MCC: variants seen among roughly 807,000 people sequenced by gnomAD.
MCC encodes colorectal mutant cancer protein.
Under a neutral mutation model 116.2 loss-of-function variants are expected in MCC, and 90 were observed. The observed-to-expected ratio is 0.77, with a 90% CI of 0.65 to 0.92. The LOEUF is 0.92. MCC is among the 40% of genes least tolerant of loss of function. The probability of loss-of-function intolerance (pLI) is 0.00; values close to 1 mark genes in which losing one functional copy is unlikely to be tolerated. For synonymous variants in MCC, 578 were observed against 510.5 expected, an observed-to-expected ratio of 1.13 and a Z score of -1.78; for missense variants, 1,516 against 1,312.2, an observed-to-expected ratio of 1.16 and a Z score of -2.40.
chr5:113,257,256 G>T (rs1344575977), intron 3 of MCC, among the ~76,000 whole-genome samples: 1 of 152,126 alleles, frequency 6.6e-6, no homozygotes, highest in Non-Finnish European at 1.5e-5. Context: ...CCAGAGTTCA[G>T]GCTGGTGACA....
chr5:113,249,538 G>T (rs1163043911), intron 3 of MCC, among the ~76,000 whole-genome samples: 1 of 152,120 alleles, frequency 6.6e-6, no homozygotes, highest in Non-Finnish European at 1.5e-5. Context: ...ATTCATTCCA[G>T]CCTCTGCTCA....
At chr5:113,371,796 TAA>T (rs879277421) in intron 2 of MCC, among the ~76,000 whole-genome samples, 85 of 152,328 alleles carry the variant, frequency 5.6e-4, no homozygotes, top group Admixed American at 2.6e-3. Context: ...TTACAAGAGA[TAA>T]AACAGGAAGC....
chr5:113,462,288 A>G (rs948286588), intron 1 of MCC, among the ~76,000 whole-genome samples: 4 of 152,088 alleles, frequency 2.6e-5, no homozygotes, highest in African/African-American at 4.8e-5. Context: ...AAAACACCTC[A>G]TGCACAACTC....
chr5:113,223,170 G>A (rs1353828746), intron 3 of MCC, among the ~76,000 whole-genome samples: 3 of 152,220 alleles, frequency 2.0e-5, no homozygotes, highest in African/African-American at 7.2e-5. Flanking sequence ...ATGAGGCTGA[G>A]AGGCAGGCAG....
intron 3 of MCC, among the ~76,000 whole-genome samples, chr5:113,320,735 T>G (rs1767404223): frequency 6.6e-6 from 1 of 152,218 alleles, no homozygotes; most frequent in African/African-American, 2.4e-5. Context: ...TCCTAAGGCC[T>G]GGCACAGTGA....
At chr5:113,084,266 AG>A (rs1471044396) in intron 9 of MCC, 76 bp from the exon 10 acceptor site, 3 of 1,142,580 alleles carry the variant, frequency 2.6e-6, no homozygotes, top group Non-Finnish European at 3.9e-6. Context: ...ACGCTTATAC[AG>A]GGCTACTTTT....
At chr5:113,308,160 G>A (rs754659097) in intron 3 of MCC, among the ~76,000 whole-genome samples, 2 of 152,004 alleles carry the variant, frequency 1.3e-5, no homozygotes, top group African/African-American at 2.4e-5. Context: ...ATATTGTAGA[G>A]ACAAGGTCTT....
At chr5:113,179,717 A>G (rs577172722) in intron 3 of MCC, among the ~76,000 whole-genome samples, 1 of 152,310 alleles carries the variant, frequency 6.6e-6, no homozygotes, top group South Asian at 2.1e-4. Context: ...GTAAAATGCA[A>G]CAGCCCAATT....
intron 6 of MCC, among the ~76,000 whole-genome samples, chr5:113,118,179 T>C (rs1301439418): frequency 1.3e-5 from 2 of 152,188 alleles, no homozygotes; most frequent in Non-Finnish European, 2.9e-5. Flanking sequence ...ATGTAAATGC[T>C]TGACACAGGG....
intron 11 of MCC, among the ~76,000 whole-genome samples, chr5:113,078,424 C>T (rs576697531): frequency 6.6e-6 from 1 of 152,276 alleles, no homozygotes; most frequent in African/African-American, 2.4e-5. Context: ...TACTGGCAAA[C>T]CAAATCCAGC....
At chr5:113,062,119 G>C (rs1753268224) in intron 14 of MCC, among the ~76,000 whole-genome samples, 1 of 152,164 alleles carries the variant, frequency 6.6e-6, no homozygotes, top group Non-Finnish European at 1.5e-5. Context: ...GGAGAATTGG[G>C]TGACATTGGA....
At chr5:113,031,652 G>C (rs1053796912) in intron 17 of MCC, among the ~76,000 whole-genome samples, 4 of 152,258 alleles carry the variant, frequency 2.6e-5, no homozygotes, top group African/African-American at 9.6e-5. Context: ...AAAAAACTCT[G>C]GGATGCTACC....
intron 8 of MCC, among the ~76,000 whole-genome samples, chr5:113,096,605 T>C (rs1000278385): frequency 5.3e-5 from 8 of 152,246 alleles, no homozygotes; most frequent in African/African-American, 1.9e-4. Flanking sequence ...GGTAAAGCCA[T>C]CTGCCTAGTT....
chr5:113,270,802 C>T (rs191309810), intron 3 of MCC, among the ~76,000 whole-genome samples: 107 of 151,726 alleles, frequency 7.1e-4, no homozygotes, highest in African/African-American at 2.5e-3. Flanking sequence ...ATTCATAGAT[C>T]CGTGCTTTTT....
intron 3 of MCC, among the ~76,000 whole-genome samples, chr5:113,212,698 C>T (rs1763176489): frequency 6.6e-6 from 1 of 152,232 alleles, no homozygotes; most frequent in Non-Finnish European, 1.5e-5. Context: ...TGAGAAGGTG[C>T]TCTTCCTTCT....
intron 3 of MCC, 64 bp from the exon 4 acceptor site, chr5:113,151,486 C>G (rs992612541): frequency 1.2e-6 from 1 of 843,880 alleles, no homozygotes; most frequent in Non-Finnish European, 1.9e-6. Flanking sequence ...TCCCTTCATT[C>G]CCGCAACTAG....
chr5:113,210,644 C>T (rs1386451037), intron 3 of MCC, among the ~76,000 whole-genome samples: 1 of 151,890 alleles, frequency 6.6e-6, no homozygotes, highest in Non-Finnish European at 1.5e-5. Flanking sequence ...AAACATGACA[C>T]GAATGAATAT....
chr5:113,467,390 A>G (rs1462454683), intron 1 of MCC, among the ~76,000 whole-genome samples: 2 of 151,832 alleles, frequency 1.3e-5, no homozygotes, highest in Admixed American at 6.6e-5. Context: ...TCCAGTTTCA[A>G]CTTTCTACAT....
intron 3 of MCC, among the ~76,000 whole-genome samples, chr5:113,243,526 G>A (rs1204336039): frequency 6.6e-6 from 1 of 152,164 alleles, no homozygotes; most frequent in African/African-American, 2.4e-5. Flanking sequence ...AGAATAAAAG[G>A]TATTAAATGA....
Sources: gnomAD v4.1 joint callset for allele counts (sites outside exome capture counted in the v4.1 genomes callset) on GRCh38, gnomAD v4.1.1 for gene constraint, MANE v1.5 for transcripts, NCBI Gene and HGNC (gene_info 2026-07-23, HGNC 2026-07-21) for gene names.